The following NCOR2 variants were observed in gnomAD, a reference collection of about 807,000 sequenced individuals.
The protein encoded by NCOR2 is nuclear receptor corepressor 2.
A neutral mutation model predicts 262.9 loss-of-function variants in NCOR2; 81 were observed. That is an observed-to-expected ratio of 0.31 (90% CI 0.26 to 0.37). The LOEUF (loss-of-function observed/expected upper bound fraction) is 0.37, where lower values mean the gene tolerates loss of function less well. NCOR2 is among the 10% of genes least tolerant of loss of function. The pLI, the probability that NCOR2 is intolerant of heterozygous loss-of-function variation, is 1.00. For synonymous variants in NCOR2, 1,659 were observed against 1,559.3 expected (o/e 1.06, Z -1.51); for missense variants, 3,385 against 3,621.4 (o/e 0.93, Z 1.68).
In NCOR2 at chr12:124,346,612, G is replaced by A. The variant is rs745518557; in HGVS notation, c.4311C>T (p.Pro1437=). Residue 1437 remains proline (P), a synonymous_variant, in exon 31 of 47, where the codon CCC becomes CCT. Transcript: ENST00000405201. ...GCGGCCGCGGGGCCAGGGGCAGCTCGGGCGTGTGCCGCAGCTCCTCGCGCG... is the reference window on the plus strand; with the variant it reads ...GCGGCCGCGGGGCCAGGGGCAGCTCAGGCGTGTGCCGCAGCTCCTCGCGCG... 2.0e-5 allele frequency: 32 copies of A among 1,590,458 alleles called. No individual in the cohort carries two copies. The highest frequency in any genetic ancestry group is 6.8e-5 in the East Asian group (3 of 44,430).
chr12:124,536,033 G>A (rs911007275), upstream of NCOR2, among the ~76,000 whole-genome samples: 5 of 152,144 alleles, frequency 3.3e-5, no homozygotes, highest in Admixed American at 1.3e-4. Context: ...CGGGGGTGGG[G>A]GTGTCTACTA....
exon 4 of NCOR2, chr12:124,473,060 C>G (rs767701462): frequency 3.1e-6 from 5 of 1,614,148 alleles, no homozygotes; most frequent in Non-Finnish European, 1.7e-6. Context: ...GCGGCACCAG[C>G]TCCAGCTCAG....
At chr12:124,545,010 C>T (rs1381050149) in intron 1 of NCOR2, among the ~76,000 whole-genome samples, 1 of 152,138 alleles carries the variant, frequency 6.6e-6, no homozygotes, top group African/African-American at 2.4e-5. Flanking sequence ...CCTCAGTGTG[C>T]CCATCTGTAA....
intron 11 of NCOR2, among the ~76,000 whole-genome samples, chr12:124,424,647 C>T (rs982581559): frequency 3.9e-5 from 6 of 152,348 alleles, no homozygotes; most frequent in African/African-American, 1.4e-4. Flanking sequence ...TGCGGGTCCA[C>T]TCACCCCTGC....
At chr12:124,333,825 G>A (rs2035491372) in intron 41 of NCOR2, among the ~76,000 whole-genome samples, 1 of 143,818 alleles carries the variant, frequency 7.0e-6, no homozygotes. Flanking sequence ...TGTCTACAGG[G>A]GTGTGCGGGT....
rs1367043572 is a variant in NCOR2 at position 124,355,379 on chromosome 12, C to T, written c.3381+53G>A. The T allele has an allele frequency of 1.9e-6, 3 of 1,593,000 alleles. No individual in the cohort carries two copies. The African/African-American group carries it at 4.0e-5, about 21-fold the overall frequency. ...CAGACTTCATTGGTCCCATTGCCCC[C>T]ACTTTACAGATAAGAAGACTAAGCC... On this transcript the variant is annotated intron_variant, in intron 24 of 46. Transcript: ENST00000405201.
chr12:124,353,567 C>T (rs752412812), intron 27 of NCOR2, among the ~76,000 whole-genome samples: 22 of 152,240 alleles, frequency 1.4e-4, no homozygotes, highest in African/African-American at 4.1e-4. Context: ...GCCAGACACA[C>T]GTGGCACAAA....
chr12:124,518,794 A>G (rs187077771), intron 1 of NCOR2, among the ~76,000 whole-genome samples: 392 of 151,988 alleles, frequency 2.6e-3, no homozygotes, highest in African/African-American at 8.8e-3. Flanking sequence ...CGCTTCTCCC[A>G]CTTTAACCCG....
At chr12:124,533,538 C>G (rs369961092) in intron 1 of NCOR2, among the ~76,000 whole-genome samples, 1 of 152,102 alleles carries the variant, frequency 6.6e-6, no homozygotes, top group Non-Finnish European at 1.5e-5. Flanking sequence ...CCAAGAGACC[C>G]GCTAAGCGTC....
intron 1 of NCOR2, among the ~76,000 whole-genome samples, chr12:124,520,292 T>C (rs1482835716): frequency 6.6e-6 from 1 of 152,168 alleles, no homozygotes; most frequent in Non-Finnish European, 1.5e-5. Context: ...TCCAGCACCA[T>C]CTTCCCGCCC....
At chr12:124,329,895 G>T (rs1036097537) in intron 44 of NCOR2, among the ~76,000 whole-genome samples, 1 of 152,150 alleles carries the variant, frequency 6.6e-6, no homozygotes, top group Non-Finnish European at 1.5e-5. Flanking sequence ...CCCTCTTGTT[G>T]TTTCGACCAA....
At chr12:124,451,799 A>C (rs978646303) in intron 6 of NCOR2, among the ~76,000 whole-genome samples, 4 of 152,112 alleles carry the variant, frequency 2.6e-5, no homozygotes, top group Non-Finnish European at 5.9e-5. Flanking sequence ...GATAGAGCTG[A>C]ACACACCTCC....
In NCOR2 at chr12:124,436,385, G is replaced by A. The variant is rs576236153; in HGVS notation, c.882+1545C>T. Among the ~76,000 whole-genome samples the A allele has an allele frequency of 2.6e-5, 4 of 152,290 alleles. No individual in the cohort carries two copies. In the South Asian group the frequency reaches 8.3e-4, roughly 32 times the overall value. ...GGGCAGGGGGCTGCAGGTATGAGGG[G>A]AGCCCCTCCAGCCTCCAGCAAACCT... On this transcript the variant is annotated intron_variant, in intron 8 of 46. Coordinates refer to ENST00000405201, the Ensembl canonical transcript of NCOR2.
chr12:124,487,315 C>A (rs1565988678), intron 1 of NCOR2, among the ~76,000 whole-genome samples: 1 of 152,202 alleles, frequency 6.6e-6, no homozygotes, highest in African/African-American at 2.4e-5. Context: ...CAGAACAAAG[C>A]GACCCCTGAC....
At position 124,408,707 on chromosome 12, in the gene NCOR2, C is replaced by CCA. The variant is rs571697342; in HGVS notation, c.1483-6148_1483-6147dup. Among the ~76,000 whole-genome samples, 87 of 152,276 alleles carry CCA rather than the reference C, an allele frequency of 5.7e-4. 1 individual carries two copies. The highest frequency in any genetic ancestry group is 2.1e-3 in the African/African-American group (86 of 41,554). ...AAGGCTGCAGCGAGCTTCAACTGCACCACTGCACTCTAGCCTGGGTGACAG... is the reference window on the plus strand; with the variant it reads ...AAGGCTGCAGCGAGCTTCAACTGCACCACACTGCACTCTAGCCTGGGTGACAG... On this transcript the variant is annotated intron_variant, in intron 13 of 46. Transcript: ENST00000405201.
exon 24 of NCOR2, chr12:124,355,526 A>T (rs2037879526): frequency 6.2e-7 from 1 of 1,600,688 alleles, no homozygotes; most frequent in African/African-American, 1.3e-5. Context: ...TGGGCGCGGC[A>T]GGACGGGCCG....
Position 124,449,746 on chromosome 12 carries a change from G to A in NCOR2, c.815+69C>T, listed in dbSNP as rs981986983. 4.6e-5 allele frequency: 72 copies of A among 1,554,310 alleles called. 1 individual carries two copies. In the Middle Eastern group the frequency reaches 1.2e-3, roughly 25 times the overall value. On this transcript the variant is annotated intron_variant, in intron 7 of 46. Coordinates refer to ENST00000405201, the Ensembl canonical transcript of NCOR2. The stretch of plus-strand genomic sequence containing the variant: ...AGAGAGCCCACGTCCCACATCCCAT[G>A]CAGGCTGCTGAGAGCCTGCTCGCCC...
chr12:124,561,272 C>T (rs1436488589), intron 1 of NCOR2, among the ~76,000 whole-genome samples: 2 of 152,086 alleles, frequency 1.3e-5, no homozygotes, highest in African/African-American at 2.4e-5. Context: ...TGCACTGCCC[C>T]GTAGGGTCAG....
At position 124,374,409 on chromosome 12, in the gene NCOR2, G is replaced by A. The variant is rs376836186; in HGVS notation, c.2218+4C>T. 1.1e-5 allele frequency: 18 copies of A among 1,612,716 alleles called. No individual in the cohort carries two copies. The South Asian group carries it at 1.2e-4, about 11-fold the overall frequency. Reference sequence around the variant, plus strand: ...CCCCCCAGGCCAGCCGGCCACATTCGTACCTGGGCCACTGCATTCCCCTCT... The same window carrying A: ...CCCCCCAGGCCAGCCGGCCACATTCATACCTGGGCCACTGCATTCCCCTCT... On this transcript the variant is annotated splice_donor_region_variant and intron_variant, in intron 19 of 46. Transcript: ENST00000405201.
Sources: allele counts gnomAD v4.1 joint callset (sites outside exome capture counted in the v4.1 genomes callset), GRCh38; gene constraint gnomAD v4.1.1; transcripts MANE v1.5; gene names NCBI Gene and HGNC (gene_info 2026-07-23, HGNC 2026-07-21).